Variants in SCN4A observed in about 807,000 individuals in gnomAD.
SCN4A encodes sodium voltage-gated channel alpha subunit 4.
A neutral mutation model predicts 162.0 loss-of-function variants in SCN4A; 83 were observed. That is an observed-to-expected ratio of 0.51 (90% CI 0.43 to 0.61). The LOEUF (loss-of-function observed/expected upper bound fraction) is 0.61, where lower values mean the gene tolerates loss of function less well. Among genes scored for constraint, SCN4A ranks in the 20% least tolerant of loss-of-function variants. The pLI is 0.00. For missense variants in SCN4A, 2,196 were observed against 2,462.5 expected (o/e 0.89, Z 2.29); for synonymous variants, 944 against 985.1 (o/e 0.96, Z 0.78).
rs1908637748 is a variant in SCN4A, at chr17:63,944,193, G to A, written c.3913-343C>T. Among the ~76,000 whole-genome samples, 1 of 152,096 alleles carries A rather than the reference G, an allele frequency of 6.6e-6. No homozygotes were observed. Among genetic ancestry groups the A allele is most frequent in the East Asian group, 1.9e-4 (1 of 5,194 alleles). On this transcript the variant is annotated intron_variant, in intron 21 of 23. Coordinates refer to ENST00000435607, the MANE Select transcript of SCN4A (RefSeq NM_000334.4). The surrounding 1 kb of genome is among the most constrained non-coding windows in gnomAD (Gnocchi z 4.3). ...TCTCGCTCTGTCACCAGGCTGGAGT[G>A]CAGTGGCGCGATCTTGGCCCACTGC...
rs111818485 is a variant in SCN4A, at chr17:63,963,829, T to C, written c.1453-4A>G. 647 of 1,595,576 alleles carry C rather than the reference T, an allele frequency of 4.1e-4. 3 individuals carry two copies. The African/African-American group carries it at 6.8e-3, about 17-fold the overall frequency. On this transcript the variant is annotated splice_region_variant and splice_polypyrimidine_tract_variant and intron_variant, in intron 9 of 23. Coordinates refer to ENST00000435607, the MANE Select transcript of SCN4A (RefSeq NM_000334.4). ...CCAGAGCTTGGGCGGCCTTGGCCTG[T>C]AGACCAGCAAGAGTGACTGGCAGGA...
chr17:63,966,427 C>T, intron 7 of SCN4A, 54 bp downstream of exon 7: 1 of 1,542,984 alleles, frequency 6.5e-7, no homozygotes, highest in Non-Finnish European at 9.0e-7. Context: ...CTAATCAGCT[C>T]CCACCTTCCA....
rs749473147 is a variant in SCN4A, at chr17:63,951,702, C to T, written c.2575G>A (p.Gly859Arg). ...LSPKDIMLSL[G>R]EADGAGEAGE... ...GCCTCCCCGGCCCCGTCAGCCTCCCCGAGGCTGAGCATGATGTCCTTGGGG... is the reference window on the plus strand; with the variant it reads ...GCCTCCCCGGCCCCGTCAGCCTCCCTGAGGCTGAGCATGATGTCCTTGGGG... The change falls in exon 14 of 24, where the codon GGG becomes AGG. Residue 859 changes from glycine to arginine, a missense_variant. Transcript: ENST00000435607. The surrounding 1 kb of genome is among the most constrained non-coding windows in gnomAD (Gnocchi z 4.5). The T allele has an allele frequency of 1.1e-5, 18 of 1,597,364 alleles. No homozygotes were observed. Among genetic ancestry groups the T allele is most frequent in the East Asian group, 4.5e-5 (2 of 44,106 alleles).
chr17:63,951,799 G>C lies in SCN4A; in HGVS notation c.2478C>G (p.Ile826Met). 2 of 1,584,018 alleles carry C rather than the reference G, an allele frequency of 1.3e-6. No individual in the cohort carries two copies. The highest frequency in any genetic ancestry group is 8.6e-7 in the Non-Finnish European group (1 of 1,165,148). Reference sequence around the variant, plus strand: ...AGCCGATGCCCAACTTGATGCGCCCGATGGCAATCTGCAGGTTGTTCATCT... The same window carrying C: ...AGCCGATGCCCAACTTGATGCGCCCCATGGCAATCTGCAGGTTGTTCATCT... Reference protein sequence around the residue: ...DGEMNNLQIAIGRIKLGIGFA... With the variant: ...DGEMNNLQIAMGRIKLGIGFA... The change falls in exon 14 of 24, where the codon ATC becomes ATG. Residue 826 changes from isoleucine to methionine, a missense_variant. By Grantham distance (10) the Ile-to-Met change is conservative (BLOSUM62 1). Transcript: ENST00000435607. This position sits in a 1 kb window ranked among gnomAD's most constrained non-coding sequence, Gnocchi z 4.5.
chr17:63,960,785 C>G (rs1158629851), intron 11 of SCN4A, among the ~76,000 whole-genome samples: 1 of 152,092 alleles, frequency 6.6e-6, no homozygotes, highest in Admixed American at 6.5e-5. Flanking sequence ...CTATAGGTCA[C>G]ACTGCCAGAT....
intron 21 of SCN4A, 129 bp from the exon 22 acceptor site, chr17:63,943,979 G>T (rs192200782): frequency 7.8e-6 from 5 of 642,126 alleles, no homozygotes; most frequent in Non-Finnish European, 1.1e-5. Context: ...TGGAGGAAGC[G>T]GGAGGGTCAG....
intron 5 of SCN4A, among the ~76,000 whole-genome samples, chr17:63,969,963 G>A (rs910724030): frequency 3.3e-5 from 5 of 152,024 alleles, no homozygotes; most frequent in Non-Finnish European, 5.9e-5. Context: ...TCTCATATTA[G>A]GATTTAACAA....
At chr17:63,943,434 G>A (rs1262498390) in intron 22 of SCN4A, among the ~76,000 whole-genome samples, 2 of 152,048 alleles carry the variant, frequency 1.3e-5, no homozygotes, top group Admixed American at 6.5e-5. Flanking sequence ...CCACTTGTGG[G>A]AGCCCTTGCC....
At chr17:63,961,040 C>T (rs1303729256) in intron 11 of SCN4A, among the ~76,000 whole-genome samples, 153 bp downstream of exon 11, 5 of 131,340 alleles carry the variant, frequency 3.8e-5, no homozygotes, top group African/African-American at 1.5e-4. Context: ...CCCCCCACAT[C>T]AACTCATGCC....
chr17:63,940,984 A>G lies in SCN4A; in HGVS notation c.5298T>C (p.Pro1766=). ...HSHDGSGDDA[P]EKEGLLANTM... The stretch of plus-strand genomic sequence containing the variant: ...TGTTGGCAAGCAGCCCCTCCTTCTC[A>G]GGGGCGTCATCCCCGCTGCCGTCGT... The change falls in exon 24 of 24, where the codon CCT becomes CCC. Residue 1766 remains proline, a synonymous_variant. Transcript: ENST00000435607. 2 of 1,613,098 alleles carry G rather than the reference A, an allele frequency of 1.2e-6. No individual in the cohort carries two copies. The highest frequency in any genetic ancestry group is 1.7e-6 in the Non-Finnish European group (2 of 1,179,186).
At chr17:63,956,787 G>T (rs752926482) in intron 13 of SCN4A, among the ~76,000 whole-genome samples, 12 of 152,180 alleles carry the variant, frequency 7.9e-5, no homozygotes, top group Non-Finnish European at 1.2e-4. Context: ...CTGGAATGTG[G>T]GTCTGTCTGA....
At chr17:63,959,149 G>C (rs1909164028) in intron 12 of SCN4A, 116 bp downstream of exon 12, 4 of 828,466 alleles carry the variant, frequency 4.8e-6, no homozygotes, top group Non-Finnish European at 7.6e-6. Flanking sequence ...GGCAGAGGAG[G>C]CCTCGTTTTC....
intron 18 of SCN4A, 46 bp downstream of exon 18, chr17:63,946,999 C>T (rs779753358): frequency 9.9e-6 from 15 of 1,510,664 alleles, no homozygotes; most frequent in East Asian, 2.4e-5. Context: ...TGAAGGTGGC[C>T]GGTCCCCCAT....
intron 13 of SCN4A, among the ~76,000 whole-genome samples, chr17:63,955,342 G>C (rs913737080): frequency 6.6e-6 from 1 of 152,218 alleles, no homozygotes; most frequent in African/African-American, 2.4e-5. Flanking sequence ...TCGCCCTGGT[G>C]GCGGGAACCT....
chr17:63,946,956 T>G, intron 18 of SCN4A, 89 bp downstream of exon 18: 2 of 1,249,738 alleles, frequency 1.6e-6, no homozygotes, highest in Non-Finnish European at 2.2e-6. Context: ...CTGGTGGTGG[T>G]TGGAGTATAG....
Position 63,972,743 on chromosome 17 carries a change from C to A in SCN4A, c.99G>T (p.Val33=). The A allele has an allele frequency of 6.2e-7, 1 of 1,613,810 alleles. No homozygotes were observed. The change falls in exon 1 of 24, where the codon GTG becomes GTT. Residue 33 remains valine, a synonymous_variant. Coordinates refer to ENST00000435607, the MANE Select transcript of SCN4A (RefSeq NM_000334.4). The surrounding 1 kb of genome is among the most constrained non-coding windows in gnomAD (Gnocchi z 4.3). The part of the protein sequence containing the change: ...ESLAAIEQRA[V]EEEARLQRNK... ...TCCGCTGCAGCCGGGCCTCCTCCTC[C>A]ACCGCCCGCTGTTCTATGGCTGCCA...
intron 17 of SCN4A, 113 bp downstream of exon 17, chr17:63,947,777 A>G: frequency 2.9e-6 from 3 of 1,023,528 alleles, no homozygotes; most frequent in Non-Finnish European, 4.3e-6. Flanking sequence ...TGAGGGTCTG[A>G]CTCTGGGGGT....
chr17:63,952,609 G>T (rs569826930), intron 13 of SCN4A, among the ~76,000 whole-genome samples: 4 of 152,210 alleles, frequency 2.6e-5, no homozygotes, highest in African/African-American at 9.6e-5. Flanking sequence ...CGCACTCCTG[G>T]AGTGCAGAAG....
At position 63,948,725 on chromosome 17, in the gene SCN4A, G is replaced by A. The variant is rs757336414; in HGVS notation, c.3030C>T (p.Ser1010=). The change falls in exon 16 of 24, where the codon TCC becomes TCT. Residue 1010 remains serine (S), a synonymous_variant. Coordinates refer to ENST00000435607, the MANE Select transcript of SCN4A (RefSeq NM_000334.4). The stretch of plus-strand genomic sequence containing the variant: ...TCCACCACTTCTTCCCACGGCCCTG[G>A]GAGATGTCCACGTAGAGGCAGGGCC... ...QRWPCLYVDI[S]QGRGKKWWTL... 1.2e-6 allele frequency: 2 copies of A among 1,613,182 alleles called. No individual in the cohort carries two copies. The highest frequency in any genetic ancestry group is 1.7e-6 in the Non-Finnish European group (2 of 1,179,542).
Sources: gnomAD v4.1 joint callset for allele counts (sites outside exome capture counted in the v4.1 genomes callset) on GRCh38, gnomAD v4.1.1 for gene constraint, Gnocchi (gnomAD v3.1) non-coding constraint, MANE v1.5 for transcripts, NCBI Gene and HGNC (gene_info 2026-07-23, HGNC 2026-07-21) for gene names.